Variants in PRKAB2 observed in about 807,000 individuals in gnomAD.
The protein encoded by PRKAB2 is 5'-AMP-activated protein kinase subunit beta-2.
A neutral mutation model predicts 29.8 loss-of-function variants in PRKAB2; 18 were observed. The ratio of observed to expected loss-of-function variants is 0.60; its 90% CI spans 0.42 to 0.89. The LOEUF (loss-of-function observed/expected upper bound fraction) is 0.89. Ranked by LOEUF, PRKAB2 falls within the 40% of genes least tolerant of loss-of-function variation. The pLI is 0.00. For synonymous variants in PRKAB2, 136 were observed against 125.9 expected (o/e 1.08, Z -0.54); for missense variants, 270 against 344.3 (o/e 0.78, Z 1.71).
chr1:147,164,457 T>C (rs1001790194), intron 5 of PRKAB2, among the ~76,000 whole-genome samples: 4 of 152,212 alleles, frequency 2.6e-5, no homozygotes, highest in Non-Finnish European at 5.9e-5. Flanking sequence ...ACAATTGTTA[T>C]GTGTCAATTA....
chr1:147,169,239 A>C (rs1654398055), intron 2 of PRKAB2, among the ~76,000 whole-genome samples: 1 of 152,220 alleles, frequency 6.6e-6, no homozygotes, highest in Non-Finnish European at 1.5e-5. Context: ...AAAATGGTTG[A>C]CATAGCTTCC....
chr1:147,165,846 G>A (rs1312563072), intron 5 of PRKAB2, among the ~76,000 whole-genome samples: 1 of 152,104 alleles, frequency 6.6e-6, no homozygotes, highest in East Asian at 1.9e-4. Context: ...TGCCCAGGCT[G>A]GAGTGAGGAG....
intron 5 of PRKAB2, among the ~76,000 whole-genome samples, chr1:147,163,034 A>C (rs587628166): frequency 6.6e-5 from 10 of 151,828 alleles, no homozygotes; most frequent in African/African-American, 2.4e-4. Flanking sequence ...GCCAAACAAC[A>C]AGGTTATAAA....
In PRKAB2 at chr1:147,162,498, G is replaced by A. The variant is rs782423302; in HGVS notation, c.614C>T (p.Pro205Leu). The A allele has an allele frequency of 4.3e-6, 7 of 1,611,172 alleles. No individual in the cohort carries two copies. Among genetic ancestry groups the A allele is most frequent in the African/African-American group, 4.0e-5 (3 of 74,766 alleles). The stretch of plus-strand genomic sequence containing the variant: ...AAGTAGATGAGGAGGAAGGATGGGT[G>A]GGGATTTGAATCTTTCCTCAGATCG... Reference protein sequence around the residue: ...AFRSEERFKSPPILPPHLLQV... With the variant: ...AFRSEERFKSLPILPPHLLQV... Residue 205 changes from proline (P) to leucine (L), a missense_variant, in exon 6 of 8, where the codon CCA (proline) becomes CTA (leucine). Coordinates refer to ENST00000254101, the MANE Select transcript of PRKAB2 (RefSeq NM_005399.5).
rs1654717585 is a variant in PRKAB2, at chr1:147,172,435, C to A, written c.-30G>T. The A allele has an allele frequency of 2.0e-6, 1 of 492,908 alleles. No homozygotes were observed. The highest frequency in any genetic ancestry group is 3.6e-6 in the Non-Finnish European group (1 of 280,094). 30.5% of individuals were successfully genotyped at this position (492,908 alleles called of 1,614,324 possible). On this transcript the variant is annotated 5_prime_UTR_variant, in exon 1 of 8. Transcript: ENST00000254101. ...GCGCCCCCACTCCAGTCACCTCGGG[C>A]GATGCGCTCCCTCCTCCAAGGGCCA... is the stretch of plus-strand genomic sequence containing the variant.
Position 147,167,060 on chromosome 1 carries a change from C to A in PRKAB2, c.324-121G>T, listed in dbSNP as rs587679248. On this transcript the variant is annotated intron_variant, in intron 3 of 7. Coordinates refer to ENST00000254101, the MANE Select transcript of PRKAB2 (RefSeq NM_005399.5). ...CCCAGATTCCTAAGCCATTGTATCC[C>A]CTGGTGTAAAAAACAACGTATAAAC... 4 of 802,168 alleles carry A rather than the reference C, an allele frequency of 5.0e-6. No homozygotes were observed. In the African/African-American group the frequency reaches 6.9e-5, roughly 14 times the overall value. The allele number at this position is 802,168 out of a possible 1,614,324, so 49.7% of individuals were successfully genotyped here.
rs1363869797 is a variant in PRKAB2, at chr1:147,157,699, G to A, written c.*1866C>T. 1.3e-5 allele frequency: 2 copies of A among 152,098 alleles called. No homozygotes were observed. The highest frequency in any genetic ancestry group is 2.9e-5 in the Non-Finnish European group (2 of 68,008). The allele number at this position is 152,098 out of a possible 1,614,324, so 9.4% of individuals were successfully genotyped here. ...AAAACAAAATTCTAGTACAACTGAA[G>A]GCTGTAAATCCTGAGAGTTGGTTAT... On this transcript the variant is annotated 3_prime_UTR_variant, in exon 8 of 8. Transcript: ENST00000254101.
At chr1:147,165,795 G>C (rs1168393164) in intron 5 of PRKAB2, among the ~76,000 whole-genome samples, 2 of 151,918 alleles carry the variant, frequency 1.3e-5, no homozygotes, top group Admixed American at 6.6e-5. Context: ...CAGGGGGCAG[G>C]GGGGTGGTTG....
chr1:147,166,404 T>A, intron 5 of PRKAB2, 94 bp downstream of exon 5: 1 of 1,340,618 alleles, frequency 7.5e-7, no homozygotes. Context: ...CCCTGCTCTC[T>A]CTCTCCCTCT....
chr1:147,160,906 T>C (rs1653919541), intron 7 of PRKAB2: 1 of 152,204 alleles, frequency 6.6e-6, no homozygotes, highest in Non-Finnish European at 1.5e-5. Context: ...TTTTAAGTGT[T>C]ATATTGTACC....
At chr1:147,167,617 T>A (rs1180588165) in intron 3 of PRKAB2, 150 bp downstream of exon 3, 2 of 863,462 alleles carry the variant, frequency 2.3e-6, no homozygotes, top group Non-Finnish European at 3.5e-6. Flanking sequence ...TAAAAAAAAA[T>A]CCCACAGATA....
At chr1:147,162,625 G>T (rs782251379) in intron 5 of PRKAB2, 52 bp from the exon 6 acceptor site, 41 of 1,530,070 alleles carry the variant, frequency 2.7e-5, no homozygotes, top group Non-Finnish European at 5.3e-6. Flanking sequence ...TAGCAAGAAT[G>T]CATGGAAAAA....
At chr1:147,167,230 T>C (rs1395459396) in intron 3 of PRKAB2, among the ~76,000 whole-genome samples, 1 of 152,200 alleles carries the variant, frequency 6.6e-6, no homozygotes. Context: ...TTTGCTTCAG[T>C]AGAACAAGTT....
chr1:147,161,645 G>T, intron 7 of PRKAB2, 67 bp downstream of exon 7: 1 of 1,351,520 alleles, frequency 7.4e-7, no homozygotes. Flanking sequence ...AGTAACCACT[G>T]AGAACGTATG....
intron 2 of PRKAB2, among the ~76,000 whole-genome samples, chr1:147,168,642 C>T (rs1353447278): frequency 6.6e-6 from 1 of 152,218 alleles, no homozygotes; most frequent in African/African-American, 2.4e-5. Flanking sequence ...TCAAAAGTAG[C>T]TCTCTTATCA....
intron 5 of PRKAB2, among the ~76,000 whole-genome samples, chr1:147,164,357 A>G (rs1490008284): frequency 9.9e-5 from 15 of 152,210 alleles, no homozygotes; most frequent in Non-Finnish European, 2.2e-4. Context: ...AGAAACGACA[A>G]ATGTTTGAGA....
chr1:147,169,285 G>A (rs1654399834), intron 2 of PRKAB2, among the ~76,000 whole-genome samples: 1 of 151,980 alleles, frequency 6.6e-6, no homozygotes, highest in Non-Finnish European at 1.5e-5. Flanking sequence ...CAAAACTACA[G>A]TATAGCATAT....
At chr1:147,162,691 T>G in intron 5 of PRKAB2, 118 bp from the exon 6 acceptor site, 1 of 1,094,680 alleles carries the variant, frequency 9.1e-7, no homozygotes, top group Non-Finnish European at 1.3e-6. Context: ...GATCACAAAC[T>G]TGTGACCTGT....
At chr1:147,166,686 T>C in intron 4 of PRKAB2, 68 bp from the exon 5 acceptor site, 1 of 1,589,732 alleles carries the variant, frequency 6.3e-7, no homozygotes, top group Non-Finnish European at 8.6e-7. Context: ...CCAACCTTCC[T>C]CTTTTACTAA....
Sources: allele counts gnomAD v4.1 joint callset (sites outside exome capture counted in the v4.1 genomes callset), GRCh38; gene constraint gnomAD v4.1.1; transcripts MANE v1.5; gene names NCBI Gene and HGNC (gene_info 2026-07-23, HGNC 2026-07-21).